The following PTPRD variants were observed in gnomAD, a reference collection of about 807,000 sequenced individuals.
PTPRD encodes the protein protein tyrosine phosphatase receptor type D.
PTPRD carries 34 observed loss-of-function variants against 214.5 expected under a neutral mutation model. The ratio of observed to expected loss-of-function variants is 0.16; its 90% confidence interval spans 0.12 to 0.21. The LOEUF (loss-of-function observed/expected upper bound fraction) is 0.21. PTPRD is among the 10% of genes least tolerant of loss of function. The probability of loss-of-function intolerance (pLI) is 1.00; values close to 1 mark genes in which losing one functional copy is unlikely to be tolerated. For synonymous variants in PTPRD, 1,128 were observed against 845.7 expected, an observed-to-expected ratio of 1.33 and a Z score of -5.79; for missense variants, 2,545 against 2,398.7, an observed-to-expected ratio of 1.06 and a Z score of -1.27.
rs561446635 is a variant in PTPRD at position 8,378,674 on chromosome 9, C to G, written c.4387-1948G>C. On this transcript the variant is annotated intron_variant, in intron 37 of 45. Transcript: ENST00000381196. ...TAATGAAATCCCTAAGGACAAATAT[C>G]ACTATGATATGCACAAAAACAGCAC... is the stretch of plus-strand genomic sequence containing the variant. 1.7e-4 allele frequency among the ~76,000 whole-genome samples: 26 copies of G among 152,170 alleles called. No homozygotes were observed. In the South Asian group the frequency reaches 5.2e-3, roughly 30 times the overall value.
At chr9:10,145,814 A>G (rs1286609441) in intron 3 of PTPRD, among the ~76,000 whole-genome samples, 1 of 152,128 alleles carries the variant, frequency 6.6e-6, no homozygotes, top group African/African-American at 2.4e-5. Context: ...ACTTTACATA[A>G]AATATGATGG....
At chr9:10,208,381 G>A (rs552342878) in intron 3 of PTPRD, among the ~76,000 whole-genome samples, 1 of 152,124 alleles carries the variant, frequency 6.6e-6, no homozygotes, top group Non-Finnish European at 1.5e-5. Context: ...GGGCGTGGTG[G>A]CGGGCGCCTG....
intron 2 of PTPRD, among the ~76,000 whole-genome samples, chr9:10,547,493 G>A (rs560855486): frequency 6.6e-6 from 1 of 152,004 alleles, no homozygotes; most frequent in East Asian, 1.9e-4. Context: ...TAATAAACAT[G>A]TGTTTAGAGC....
chr9:9,220,625 T>C (rs2099955319), intron 9 of PTPRD, among the ~76,000 whole-genome samples: 1 of 152,070 alleles, frequency 6.6e-6, no homozygotes. Flanking sequence ...GACATTAGTA[T>C]CCATTCATTT....
chr9:9,420,783 A>G (rs891883318), intron 8 of PTPRD, among the ~76,000 whole-genome samples: 5 of 152,004 alleles, frequency 3.3e-5, no homozygotes, highest in Non-Finnish European at 7.4e-5. Flanking sequence ...TGATCGATTA[A>G]ATTATTAAAA....
chr9:8,813,443 C>A (rs916254530), intron 11 of PTPRD, among the ~76,000 whole-genome samples: 1 of 152,222 alleles, frequency 6.6e-6, no homozygotes, highest in Non-Finnish European at 1.5e-5. Flanking sequence ...CCACAGCTCA[C>A]TGCTACAGCC....
chr9:9,776,294 T>TACCATCCC (rs769107020), intron 5 of PTPRD, among the ~76,000 whole-genome samples: 22 of 152,222 alleles, frequency 1.4e-4, no homozygotes, highest in Non-Finnish European at 2.6e-4. Flanking sequence ...ACTAAGTTCA[T>TACCATCCC]ACCATCCCCC....
chr9:9,868,434 T>C (rs181246097), intron 5 of PTPRD, among the ~76,000 whole-genome samples: 299 of 152,214 alleles, frequency 2.0e-3, no homozygotes, highest in African/African-American at 6.7e-3. Flanking sequence ...ACTCTAGTTA[T>C]TGGTGTGAAA....
At chr9:10,479,658 T>TAAACAAACAAAC (rs1555402919) in intron 2 of PTPRD, among the ~76,000 whole-genome samples, 1,861 of 145,898 alleles carry the variant, frequency 0.013, 27 homozygotes, top group Non-Finnish European at 0.016. Flanking sequence ...AATAAATAAA[T>TAAACAAACAAAC]AAACAAAAAT....
chr9:8,661,044 G>C (rs972220612), intron 12 of PTPRD, among the ~76,000 whole-genome samples: 10 of 152,018 alleles, frequency 6.6e-5, no homozygotes, highest in African/African-American at 2.2e-4. Context: ...TGATGAATCT[G>C]AGGCTTATTG....
chr9:10,440,466 A>T (rs1263447478), intron 2 of PTPRD, among the ~76,000 whole-genome samples: 3 of 151,896 alleles, frequency 2.0e-5, no homozygotes, highest in Middle Eastern at 3.4e-3. Flanking sequence ...CTGGTAATTC[A>T]TATGTAAAGA....
chr9:9,482,852 T>C (rs1036639692), intron 8 of PTPRD, among the ~76,000 whole-genome samples: 2 of 152,226 alleles, frequency 1.3e-5, no homozygotes, highest in Non-Finnish European at 1.5e-5. Context: ...ATCACAATTA[T>C]GCAAATAAGT....
intron 3 of PTPRD, among the ~76,000 whole-genome samples, chr9:10,166,375 T>A (rs1291612815): frequency 1.7e-5 from 2 of 118,842 alleles, no homozygotes; most frequent in East Asian, 6.8e-4. Context: ...CCAATGCTGA[T>A]TTTTTTTTGT....
intron 39 of PTPRD, among the ~76,000 whole-genome samples, chr9:8,357,169 A>G (rs935592620): frequency 6.6e-6 from 1 of 152,166 alleles, no homozygotes; most frequent in African/African-American, 2.4e-5. Context: ...AATGCCAACA[A>G]TTCTTCTTCG....
intron 11 of PTPRD, among the ~76,000 whole-genome samples, chr9:8,787,677 A>G (rs1384995718): frequency 6.6e-6 from 1 of 152,146 alleles, no homozygotes; most frequent in African/African-American, 2.4e-5. Flanking sequence ...TGTGGAGATG[A>G]CAGGAGGGGA....
intron 33 of PTPRD, among the ~76,000 whole-genome samples, chr9:8,450,070 G>C (rs993206454): frequency 2.0e-5 from 3 of 152,014 alleles, no homozygotes; most frequent in African/African-American, 7.3e-5. Flanking sequence ...TCCAACTGCA[G>C]GATTAAATAA....
At position 9,426,031 on chromosome 9, in the gene PTPRD, G is replaced by A. The variant is rs900392297; in HGVS notation, c.-236-28549C>T. On this transcript the variant is annotated intron_variant, in intron 8 of 45. Coordinates refer to ENST00000381196, the MANE Select transcript of PTPRD (RefSeq NM_002839.4). ...CATTTCCAACTGAGGTACCAGGTTC[G>A]TCTCAATGGGGCTTGTCCGGCAGTG... is the stretch of plus-strand genomic sequence containing the variant. Among the ~76,000 whole-genome samples, 41 of 152,016 alleles carry A rather than the reference G, an allele frequency of 2.7e-4. 1 individual carries two copies. The highest frequency in any genetic ancestry group is 1.9e-4 in the African/African-American group (8 of 41,410).
intron 8 of PTPRD, chr9:9,414,881 TA>T (rs1414324061): frequency 6.6e-6 from 1 of 152,152 alleles, no homozygotes; most frequent in African/African-American, 2.4e-5. Context: ...ACATAAAATT[TA>T]AAAGATAATT....
chr9:9,278,335 G>A (rs541826176), intron 9 of PTPRD, among the ~76,000 whole-genome samples: 4 of 151,244 alleles, frequency 2.6e-5, no homozygotes, highest in Non-Finnish European at 4.4e-5. Flanking sequence ...AATTATAGGC[G>A]TGTAGCTGAC....
Sources: allele counts gnomAD v4.1 joint callset (sites outside exome capture counted in the v4.1 genomes callset), GRCh38; gene constraint gnomAD v4.1.1; transcripts MANE v1.5; gene names NCBI Gene and HGNC (gene_info 2026-07-23, HGNC 2026-07-21).